WWP1: variants seen among roughly 807,000 people sequenced by gnomAD.
WWP1 encodes NEDD4-like E3 ubiquitin-protein ligase WWP1.
A neutral mutation model predicts 130.6 loss-of-function variants in WWP1; 49 were observed. The ratio of observed to expected loss-of-function variants is 0.38; its 90% CI spans 0.30 to 0.48. The LOEUF (loss-of-function observed/expected upper bound fraction) is 0.48, where lower values mean the gene tolerates loss of function less well. Ranked by LOEUF, WWP1 falls within the 20% of genes least tolerant of loss-of-function variation. The pLI is 0.99. For synonymous variants in WWP1, 332 were observed against 367.8 expected (o/e 0.90, Z 1.11); for missense variants, 809 against 1,100.6 (o/e 0.74, Z 3.75).
rs1187498032 is a variant in WWP1 at position 86,435,669 on chromosome 8, T to C, written c.1714T>C (p.Ser572Pro). 6.2e-7 allele frequency: 1 copy of C among 1,612,830 alleles called. No homozygotes were observed. The highest frequency in any genetic ancestry group is 8.5e-7 in the Non-Finnish European group (1 of 1,179,862). The change falls in exon 16 of 25, where the codon TCC (serine) becomes CCC (proline). Residue 572 changes from serine (S) to proline (P), a missense_variant. Physicochemically the swap from Ser to Pro is moderately conservative, Grantham distance 74. This residue lies in a region of WWP1 where 450 missense variants were observed against 674.2 expected (regional missense o/e 0.67). Transcript: ENST00000517970. Reference protein sequence around the residue: ...ALPSHVKINVSRQTLFEDSFQ... With the variant: ...ALPSHVKINVPRQTLFEDSFQ... The stretch of plus-strand genomic sequence containing the variant: ...ACCTAGTCATGTAAAGATCAATGTG[T>C]CCCGGCAGACATTGTTTGAAGATTC...
At chr8:86,442,877 T>C in intron 18 of WWP1, 99 bp downstream of exon 18, 2 of 1,282,232 alleles carry the variant, frequency 1.6e-6, no homozygotes, top group Non-Finnish European at 1.0e-6. Flanking sequence ...ATATTTGCTA[T>C]TCACAAGTTT....
chr8:86,445,827 A>G (rs1007227330), intron 18 of WWP1, among the ~76,000 whole-genome samples: 2 of 151,740 alleles, frequency 1.3e-5, no homozygotes, highest in African/African-American at 4.8e-5. Flanking sequence ...TTATTTTTTA[A>G]TGTTTTAACA....
intron 8 of WWP1, among the ~76,000 whole-genome samples, chr8:86,406,999 C>G (rs187232562): frequency 2.6e-5 from 4 of 152,196 alleles, no homozygotes; most frequent in African/African-American, 9.6e-5. Context: ...TGAAACTTAA[C>G]CTCTCAAAGA....
At chr8:86,402,446 C>T (rs1367183029) in intron 8 of WWP1, among the ~76,000 whole-genome samples, 2 of 152,156 alleles carry the variant, frequency 1.3e-5, no homozygotes, top group African/African-American at 2.4e-5. Context: ...CCACCACAAC[C>T]AGCTAAAAAG....
At chr8:86,446,483 A>G (rs1050746164) in intron 18 of WWP1, among the ~76,000 whole-genome samples, 8 of 152,072 alleles carry the variant, frequency 5.3e-5, no homozygotes, top group Admixed American at 5.2e-4. Context: ...CTTTAGTTTA[A>G]TTAGGTCCTA....
chr8:86,465,419 T>G (rs73273136), intron 24 of WWP1, among the ~76,000 whole-genome samples: 6,114 of 152,024 alleles, frequency 0.04, 182 homozygotes, highest in African/African-American at 0.069. Flanking sequence ...GTAGAAATGA[T>G]GAGGAGGAGC....
intron 1 of WWP1, among the ~76,000 whole-genome samples, chr8:86,358,543 G>A (rs1309382638): frequency 6.6e-6 from 1 of 150,662 alleles, no homozygotes; most frequent in Non-Finnish European, 1.5e-5. Flanking sequence ...GTGCAGTGGT[G>A]CCGTCACAAC....
intron 18 of WWP1, among the ~76,000 whole-genome samples, chr8:86,446,247 G>A (rs1341950591): frequency 6.6e-6 from 1 of 152,098 alleles, no homozygotes; most frequent in Non-Finnish European, 1.5e-5. Context: ...CTCCCCAAGT[G>A]CTGGGATTAC....
chr8:86,435,532 T>A lies in WWP1; in HGVS notation c.1677+5T>A. 3 of 1,614,146 alleles carry A rather than the reference T, an allele frequency of 1.9e-6. No homozygotes were observed. Among genetic ancestry groups the A allele is most frequent in the Non-Finnish European group, 2.5e-6 (3 of 1,179,994 alleles). On this transcript the variant is annotated splice_donor_5th_base_variant and intron_variant, in intron 15 of 24. Transcript: ENST00000517970. ...CACTTCCGTTATTTGTGCCAGGTAC[T>A]ATAGTGGTAAATAAATCTTATACTC...
At chr8:86,360,620 C>T (rs1006804777) in intron 1 of WWP1, among the ~76,000 whole-genome samples, 3 of 152,202 alleles carry the variant, frequency 2.0e-5, no homozygotes, top group African/African-American at 7.2e-5. Context: ...TATCTCTTTG[C>T]TGTGCTGTGT....
At chr8:86,377,911 A>T (rs1158573169) in intron 3 of WWP1, among the ~76,000 whole-genome samples, 1 of 152,122 alleles carries the variant, frequency 6.6e-6, no homozygotes, top group Non-Finnish European at 1.5e-5. Flanking sequence ...TTATTTTTGT[A>T]TGAGTGGTGT....
At chr8:86,417,592 A>T (rs750696091) in intron 9 of WWP1, among the ~76,000 whole-genome samples, 2 of 152,232 alleles carry the variant, frequency 1.3e-5, no homozygotes, top group Non-Finnish European at 2.9e-5. Context: ...TGCTTACTGA[A>T]TATTTGTTAG....
At chr8:86,388,559 C>T (rs965601344) in intron 5 of WWP1, among the ~76,000 whole-genome samples, 2 of 152,052 alleles carry the variant, frequency 1.3e-5, no homozygotes, top group African/African-American at 4.8e-5. Context: ...ATCATATTGC[C>T]TTTTTTTCCC....
Position 86,458,008 on chromosome 8 carries a change from A to G in WWP1, c.2482A>G (p.Ile828Val). ...ACATTATACAAGAAACAGCAAGCAAATCATTTGGTTTTGGCAGGTATTTGC... is the reference window on the plus strand; with the variant it reads ...ACATTATACAAGAAACAGCAAGCAAGTCATTTGGTTTTGGCAGGTATTTGC... ...YRHYTRNSKQ[I>V]IWFWQFVKET... The change falls in exon 22 of 25, where the codon ATC becomes GTC. Residue 828 changes from isoleucine to valine, a missense_variant. This residue lies in a region of WWP1 where 450 missense variants were observed against 674.2 expected (regional missense o/e 0.67). Transcript: ENST00000517970. 3 of 1,611,844 alleles carry G rather than the reference A, an allele frequency of 1.9e-6. No homozygotes were observed. The highest frequency in any genetic ancestry group is 2.5e-6 in the Non-Finnish European group (3 of 1,178,330).
intron 20 of WWP1, among the ~76,000 whole-genome samples, chr8:86,451,368 C>T (rs1811170603): frequency 6.6e-6 from 1 of 151,582 alleles, no homozygotes; most frequent in Non-Finnish European, 1.5e-5. Context: ...TATAGTGGCG[C>T]CTACAGTGAT....
In WWP1 at chr8:86,427,698, A is replaced by G. The variant is rs936137600; in HGVS notation, c.1213A>G (p.Arg405Gly). 2 of 1,613,956 alleles carry G rather than the reference A, an allele frequency of 1.2e-6. No homozygotes were observed. The highest frequency in any genetic ancestry group is 1.3e-5 in the African/African-American group (1 of 74,934). Residue 405 changes from arginine to glycine, a missense_variant, in exon 11 of 25, where the codon AGA (arginine) becomes GGA (glycine). Physicochemically the swap from Arg to Gly is moderately radical, Grantham distance 125. This residue lies in a region of WWP1 where 450 missense variants were observed against 674.2 expected (regional missense o/e 0.67). Transcript: ENST00000517970. Reference protein sequence around the residue: ...RRVYYVDHNTRTTTWQRPTME... With the variant: ...RRVYYVDHNTGTTTWQRPTME... Reference sequence around the variant, plus strand: ...AGTTTATTATGTGGATCATAACACCAGAACAACAACGTGGCAGCGGCCTAC... The same window carrying G: ...AGTTTATTATGTGGATCATAACACCGGAACAACAACGTGGCAGCGGCCTAC...
intron 1 of WWP1, among the ~76,000 whole-genome samples, chr8:86,362,227 G>T (rs1823710120): frequency 1.8e-5 from 2 of 112,974 alleles, no homozygotes; most frequent in Non-Finnish European, 3.4e-5. Context: ...TCAAAAAATT[G>T]TTAAAATGCC....
chr8:86,362,513 T>TTG (rs1823729431), intron 1 of WWP1, among the ~76,000 whole-genome samples: 2 of 152,000 alleles, frequency 1.3e-5, no homozygotes, highest in Non-Finnish European at 2.9e-5. Context: ...GGTAGAAGAA[T>TTG]CGGTGACAAG....
chr8:86,362,045 TAC>T (rs1823656134), intron 1 of WWP1, among the ~76,000 whole-genome samples: 1 of 114,898 alleles, frequency 8.7e-6, no homozygotes, highest in Non-Finnish European at 1.8e-5. Context: ...CACATATATA[TAC>T]ACACATATAT....
Sources: gnomAD v4.1 joint callset for allele counts (sites outside exome capture counted in the v4.1 genomes callset) on GRCh38, gnomAD v4.1.1 for gene constraint, gnomAD v4.1.1 regional missense constraint, MANE v1.5 for transcripts, NCBI Gene and HGNC (gene_info 2026-07-23, HGNC 2026-07-21) for gene names.